The following RARB variants were observed in gnomAD, a reference collection of about 807,000 sequenced individuals.
The protein encoded by RARB is retinoic acid receptor beta.
In RARB, 17 loss-of-function variants were observed where a neutral mutation model predicts 51.9. The observed-to-expected ratio is 0.33, with a 90% CI of 0.22 to 0.49. The LOEUF (loss-of-function observed/expected upper bound fraction) is 0.49. RARB is among the 20% of genes least tolerant of loss of function. The pLI is 0.99. For missense variants in RARB, 369 were observed against 550.8 expected (o/e 0.67, Z 3.30); for synonymous variants, 215 against 195.4 (o/e 1.10, Z -0.84).
intron 2 of RARB, among the ~76,000 whole-genome samples, chr3:24,915,102 G>A (rs28623189): frequency 0.011 from 1,716 of 152,234 alleles, 25 homozygotes; most frequent in African/African-American, 0.039. Flanking sequence ...CTTTATAAGA[G>A]GTGTTTCTGA....
chr3:25,571,595 G>C (rs1700714298), intron 4 of RARB, among the ~76,000 whole-genome samples: 1 of 152,214 alleles, frequency 6.6e-6, no homozygotes, highest in Non-Finnish European at 1.5e-5. Context: ...GACACTGTAA[G>C]GGAGCTTTCA....
chr3:25,418,623 A>G (rs915698729), intron 5 of RARB, among the ~76,000 whole-genome samples: 4 of 151,618 alleles, frequency 2.6e-5, no homozygotes, highest in East Asian at 1.9e-4. Flanking sequence ...AAAAAAAAAA[A>G]TGACACTTGT....
At chr3:25,158,868 G>C (rs1442088680) in intron 4 of RARB, among the ~76,000 whole-genome samples, 1 of 152,086 alleles carries the variant, frequency 6.6e-6, no homozygotes, top group African/African-American at 2.4e-5. Flanking sequence ...TCAGAGTTCT[G>C]TATTGAACCC....
At chr3:25,332,080 A>G (rs1439303533) in intron 5 of RARB, among the ~76,000 whole-genome samples, 1 of 152,200 alleles carries the variant, frequency 6.6e-6, no homozygotes, top group Non-Finnish European at 1.5e-5. Context: ...ATTCACAGCC[A>G]AATTCTACCA....
At chr3:25,287,746 T>C (rs1703690778) in intron 5 of RARB, among the ~76,000 whole-genome samples, 1 of 152,218 alleles carries the variant, frequency 6.6e-6, no homozygotes, top group African/African-American at 2.4e-5. Flanking sequence ...TATTGCATAT[T>C]TTCCACTGTT....
At chr3:24,872,453 G>A (rs143735769) in intron 2 of RARB, among the ~76,000 whole-genome samples, 206 of 152,298 alleles carry the variant, frequency 1.4e-3, no homozygotes, top group African/African-American at 4.8e-3. Context: ...ATAAAGAAAA[G>A]AGGTTTATTT....
chr3:25,037,385 G>A (rs1223952941), intron 2 of RARB, among the ~76,000 whole-genome samples: 4 of 151,896 alleles, frequency 2.6e-5, no homozygotes, highest in Non-Finnish European at 5.9e-5. Flanking sequence ...GGAGGAGGGA[G>A]GTTTGTTTTG....
intron 5 of RARB, among the ~76,000 whole-genome samples, chr3:25,582,384 A>G (rs955285650): frequency 2.6e-5 from 4 of 152,040 alleles, no homozygotes; most frequent in Non-Finnish European, 4.4e-5. Context: ...ACAGCAAGCA[A>G]TGCTGTGTCA....
In RARB at chr3:25,594,595, T is replaced by A; in HGVS notation, c.1067T>A (p.Ile356Asn). 1 of 1,613,690 alleles carries A rather than the reference T, an allele frequency of 6.2e-7. No homozygotes were observed. The highest frequency in any genetic ancestry group is 8.5e-7 in the Non-Finnish European group (1 of 1,179,820). The change falls in exon 7 of 8, where the codon ATC becomes AAC. Residue 356 changes from isoleucine (I) to asparagine (N), a missense_variant. Transcript: ENST00000330688. ...TTGCTGGAAGCACTAAAAATTTATA[T>A]CAGAAAAAGACGACCCAGCAAGCCT... ...EPLLEALKIY[I>N]RKRRPSKPHM... is the part of the protein sequence containing the mutation.
At chr3:25,033,071 T>C (rs907281154) in intron 2 of RARB, among the ~76,000 whole-genome samples, 1 of 152,216 alleles carries the variant, frequency 6.6e-6, no homozygotes, top group African/African-American at 2.4e-5. Flanking sequence ...TTGCCAGTTA[T>C]TCATCTAGGC....
intron 2 of RARB, among the ~76,000 whole-genome samples, chr3:24,907,274 C>A (rs182719637): frequency 6.6e-6 from 1 of 152,292 alleles, no homozygotes; most frequent in East Asian, 1.9e-4. Flanking sequence ...CTGGGCCTTA[C>A]TCCAGTGATC....
chr3:25,238,769 T>C (rs1315510206), intron 5 of RARB, among the ~76,000 whole-genome samples: 2 of 152,042 alleles, frequency 1.3e-5, no homozygotes, highest in Non-Finnish European at 2.9e-5. Flanking sequence ...GATCACGAGG[T>C]CAGGATCAAG....
chr3:24,856,206 T>C (rs980021253), intron 1 of RARB, among the ~76,000 whole-genome samples: 6 of 152,152 alleles, frequency 3.9e-5, no homozygotes, highest in African/African-American at 1.4e-4. Flanking sequence ...AATTCATCCA[T>C]GAGGCTCTAA....
At chr3:25,114,301 A>G (rs750755845) in intron 3 of RARB, among the ~76,000 whole-genome samples, 8 of 152,198 alleles carry the variant, frequency 5.3e-5, no homozygotes, top group Non-Finnish European at 1.0e-4. Context: ...AAGAAGAGCC[A>G]TGTGCCCAAA....
intron 2 of RARB, among the ~76,000 whole-genome samples, chr3:24,882,442 G>A (rs1196510861): frequency 2.0e-5 from 3 of 152,152 alleles, no homozygotes; most frequent in Non-Finnish European, 2.9e-5. Flanking sequence ...TGGAAGGGTA[G>A]GCATAGGTGA....
intron 5 of RARB, among the ~76,000 whole-genome samples, chr3:25,400,157 C>A (rs895027370): frequency 6.6e-6 from 1 of 152,124 alleles, no homozygotes; most frequent in African/African-American, 2.4e-5. Context: ...ACAACTAACT[C>A]CCAGAGACAC....
At chr3:24,916,967 C>A (rs757812652) in intron 2 of RARB, among the ~76,000 whole-genome samples, 2 of 152,232 alleles carry the variant, frequency 1.3e-5, no homozygotes, top group East Asian at 1.9e-4. Flanking sequence ...TGTACACATT[C>A]AATTATTCCA....
chr3:25,128,601 A>G (rs1489529972), intron 3 of RARB, among the ~76,000 whole-genome samples: 1 of 151,722 alleles, frequency 6.6e-6, no homozygotes, highest in Non-Finnish European at 1.5e-5. Flanking sequence ...TTTGTGTAAC[A>G]TTTACATTTT....
intron 3 of RARB, among the ~76,000 whole-genome samples, chr3:25,087,177 G>A (rs549190959): frequency 6.6e-6 from 1 of 152,046 alleles, no homozygotes; most frequent in Non-Finnish European, 1.5e-5. Flanking sequence ...GGTCAGCTGT[G>A]GCTGAATTCC....
Sources: allele counts gnomAD v4.1 joint callset (sites outside exome capture counted in the v4.1 genomes callset), GRCh38; gene constraint gnomAD v4.1.1; transcripts MANE v1.5; gene names NCBI Gene and HGNC (gene_info 2026-07-23, HGNC 2026-07-21).